Variants in FGF14 observed in about 807,000 individuals in gnomAD.
The protein encoded by FGF14 is fibroblast growth factor 14.
Under a neutral mutation model 25.5 loss-of-function variants are expected in FGF14, and 5 were observed. That is an observed-to-expected ratio of 0.20 (90% CI 0.10 to 0.41). FGF14 has a LOEUF of 0.41. FGF14 is among the 10% of genes least tolerant of loss of function. The pLI is 1.00. For synonymous variants in FGF14, 138 were observed against 118.3 expected (o/e 1.17, Z -1.08); for missense variants, 222 against 320.1 (o/e 0.69, Z 2.34).
At chr13:102,384,486 T>C (rs1245627721) in intron 1 of FGF14, among the ~76,000 whole-genome samples, 1 of 152,196 alleles carries the variant, frequency 6.6e-6, no homozygotes, top group Non-Finnish European at 1.5e-5. Context: ...GGTTTACTGT[T>C]TTCTCTTTCT....
chr13:101,756,709 G>T (rs942394010), intron 3 of FGF14, among the ~76,000 whole-genome samples: 3 of 152,006 alleles, frequency 2.0e-5, no homozygotes, highest in African/African-American at 7.2e-5. Flanking sequence ...CTCCAGCCTG[G>T]GTGACAGAGC....
chr13:101,850,128 G>C (rs1312442275), intron 3 of FGF14, among the ~76,000 whole-genome samples: 1 of 151,392 alleles, frequency 6.6e-6, no homozygotes, highest in East Asian at 2.0e-4. Flanking sequence ...TCTAACTCAA[G>C]TGGATATAAT....
intron 1 of FGF14, among the ~76,000 whole-genome samples, chr13:102,230,734 T>A (rs940478239): frequency 6.6e-6 from 1 of 152,244 alleles, no homozygotes; most frequent in Non-Finnish European, 1.5e-5. Context: ...ATCTCAGTTA[T>A]AAGATCGAGT....
intron 1 of FGF14, among the ~76,000 whole-genome samples, chr13:102,044,297 T>A (rs1025244855): frequency 6.6e-6 from 1 of 152,022 alleles, no homozygotes; most frequent in African/African-American, 2.4e-5. Context: ...TAATTACCCC[T>A]AAAAGATAAC....
chr13:101,956,291 ATC>A (rs1466439104), intron 1 of FGF14, among the ~76,000 whole-genome samples: 3 of 152,226 alleles, frequency 2.0e-5, no homozygotes, highest in Non-Finnish European at 2.9e-5. Context: ...GACGGATAAC[ATC>A]TCTCTTTACA....
chr13:101,969,620 A>G (rs2037473134), intron 1 of FGF14, among the ~76,000 whole-genome samples: 1 of 152,158 alleles, frequency 6.6e-6, no homozygotes, highest in Non-Finnish European at 1.5e-5. Context: ...CTACATCCAC[A>G]TGACTGCTTG....
intron 1 of FGF14, among the ~76,000 whole-genome samples, chr13:102,338,639 T>C (rs1295801076): frequency 1.3e-5 from 2 of 152,150 alleles, no homozygotes; most frequent in African/African-American, 4.8e-5. Context: ...AAAATTCAAA[T>C]AATCTATCAT....
chr13:102,151,200 A>C (rs1444494448), intron 1 of FGF14, among the ~76,000 whole-genome samples: 1 of 152,114 alleles, frequency 6.6e-6, no homozygotes, highest in Admixed American at 6.6e-5. Context: ...AACTTATTTT[A>C]AGTTCTTTTA....
chr13:102,175,515 A>G (rs2048410736), intron 1 of FGF14, among the ~76,000 whole-genome samples: 1 of 152,052 alleles, frequency 6.6e-6, no homozygotes, highest in South Asian at 2.1e-4. Flanking sequence ...CTCTTGGCCC[A>G]GCAAAGAATT....
At chr13:101,926,675 A>C (rs1025297704) in intron 1 of FGF14, among the ~76,000 whole-genome samples, 2 of 152,220 alleles carry the variant, frequency 1.3e-5, no homozygotes, top group Non-Finnish European at 2.9e-5. Flanking sequence ...AAATAAAACT[A>C]AAGCTAGACA....
At chr13:101,886,712 A>G (rs2046005756) in intron 1 of FGF14, among the ~76,000 whole-genome samples, 1 of 152,180 alleles carries the variant, frequency 6.6e-6, no homozygotes, top group Admixed American at 6.5e-5. Context: ...TATCAAGCTG[A>G]CAAACTTTTG....
intron 1 of FGF14, among the ~76,000 whole-genome samples, chr13:102,221,031 A>G (rs2050587936): frequency 1.3e-5 from 2 of 152,252 alleles, no homozygotes; most frequent in Non-Finnish European, 1.5e-5. Flanking sequence ...TTATGGTAGC[A>G]TTAACATTCT....
chr13:102,317,506 T>G (rs953327536), intron 1 of FGF14, among the ~76,000 whole-genome samples: 2 of 152,246 alleles, frequency 1.3e-5, no homozygotes, highest in African/African-American at 2.4e-5. Flanking sequence ...CTTCTGTCTC[T>G]GTTATAAATT....
intron 1 of FGF14, among the ~76,000 whole-genome samples, chr13:102,317,513 A>G (rs2056077844): frequency 6.6e-6 from 1 of 152,162 alleles, no homozygotes; most frequent in Non-Finnish European, 1.5e-5. Context: ...CTCTGTTATA[A>G]ATTATATCAC....
At position 101,952,092 on chromosome 13, in the gene FGF14, A is replaced by G. The variant is rs186293199; in HGVS notation, c.209-76796T>C. The stretch of plus-strand genomic sequence containing the variant: ...TGCCTACTATTTTAAATGCTGGAAG[A>G]TATTTTGTTCATATTTTTTTTTCAT... On this transcript the variant is annotated intron_variant, in intron 1 of 4. Transcript: ENST00000376131. Among the ~76,000 whole-genome samples, 8 of 152,262 alleles carry G rather than the reference A, an allele frequency of 5.3e-5. No individual in the cohort carries two copies. In the East Asian group the frequency reaches 1.5e-3, roughly 29 times the overall value.
intron 1 of FGF14, among the ~76,000 whole-genome samples, chr13:101,911,927 C>G (rs2032979289): frequency 6.6e-6 from 1 of 150,922 alleles, no homozygotes; most frequent in Non-Finnish European, 1.5e-5. Context: ...TTAGCCAAAA[C>G]AGCCAAAACA....
chr13:102,246,241 T>C lies in FGF14; in HGVS notation c.208+155230A>G, dbSNP rs1280359861. Among the ~76,000 whole-genome samples, 5 of 152,102 alleles carry C rather than the reference T, an allele frequency of 3.3e-5. No homozygotes were observed. The East Asian group carries it at 5.8e-4, about 18-fold the overall frequency. On this transcript the variant is annotated intron_variant, in intron 1 of 4. Coordinates refer to the FGF14 transcript ENST00000376131. ...AGAATGATCATACTCAATATGAGAA[T>C]TGATAAAGCAAATGACCATCAGTAT... is the stretch of plus-strand genomic sequence containing the variant.
At chr13:101,906,769 T>A (rs545358452) in intron 1 of FGF14, among the ~76,000 whole-genome samples, 1 of 152,208 alleles carries the variant, frequency 6.6e-6, no homozygotes, top group South Asian at 2.1e-4. Context: ...TGACAAAAAA[T>A]TAACATAGAA....
At chr13:102,142,933 T>C (rs1042523358) in intron 1 of FGF14, among the ~76,000 whole-genome samples, 1 of 151,998 alleles carries the variant, frequency 6.6e-6, no homozygotes, top group African/African-American at 2.4e-5. Flanking sequence ...TTTTAAAAAA[T>C]GCTCTACTAA....
Sources: gnomAD v4.1 joint callset for allele counts (sites outside exome capture counted in the v4.1 genomes callset) on GRCh38, gnomAD v4.1.1 for gene constraint, MANE v1.5 for transcripts, NCBI Gene and HGNC (gene_info 2026-07-23, HGNC 2026-07-21) for gene names.